The following LIN28B variants were observed in gnomAD, a reference collection of about 807,000 sequenced individuals.
LIN28B encodes the protein protein lin-28 homolog B.
Under a neutral mutation model 21.9 loss-of-function variants are expected in LIN28B, and 5 were observed. The observed-to-expected ratio is 0.23, with a 90% CI of 0.12 to 0.48. The LOEUF (loss-of-function observed/expected upper bound fraction) is 0.48. Among genes scored for constraint, LIN28B ranks in the 20% least tolerant of loss-of-function variants. LIN28B has a pLI of 0.98. For missense variants in LIN28B, 245 were observed against 310.5 expected (o/e 0.79, Z 1.58); for synonymous variants, 109 against 111.3 (o/e 0.98, Z 0.13).
At chr6:104,972,551 GGTTA>G (rs1301870590) in intron 2 of LIN28B, among the ~76,000 whole-genome samples, 2 of 152,088 alleles carry the variant, frequency 1.3e-5, no homozygotes, top group Non-Finnish European at 2.9e-5. Context: ...AAAAATACAA[GGTTA>G]GTTTGCTGGG....
intron 1 of LIN28B, 89 bp from the exon 2 acceptor site, chr6:104,958,010 A>C: frequency 4.2e-6 from 4 of 953,092 alleles, no homozygotes; most frequent in Non-Finnish European, 4.3e-6. Context: ...CTTCCCCCCC[A>C]ACCCCAGGCA....
At chr6:105,064,629 T>G (rs1772185979) in intron 3 of LIN28B, among the ~76,000 whole-genome samples, 1 of 152,218 alleles carries the variant, frequency 6.6e-6, no homozygotes, top group East Asian at 1.9e-4. Flanking sequence ...CTGCCATTTG[T>G]AGCTATTGTA....
intron 2 of LIN28B, among the ~76,000 whole-genome samples, chr6:105,002,844 G>C (rs140416158): frequency 1.3e-5 from 2 of 152,248 alleles, no homozygotes; most frequent in Non-Finnish European, 2.9e-5. Flanking sequence ...GGACAACTTT[G>C]TTCAAATTAA....
chr6:105,059,191 T>TTG (rs1359291854), intron 3 of LIN28B, among the ~76,000 whole-genome samples: 19 of 150,816 alleles, frequency 1.3e-4, no homozygotes, highest in East Asian at 3.9e-4. Flanking sequence ...AAACTGTATG[T>TTG]TGTGTGTGTG....
chr6:105,055,621 T>G (rs1772006130), intron 3 of LIN28B, among the ~76,000 whole-genome samples: 1 of 152,236 alleles, frequency 6.6e-6, no homozygotes, highest in South Asian at 2.1e-4. Flanking sequence ...TTGTGCTATT[T>G]CCTTATAATC....
chr6:105,024,927 A>G (rs980228773), intron 2 of LIN28B, among the ~76,000 whole-genome samples: 1 of 152,144 alleles, frequency 6.6e-6, no homozygotes, highest in Non-Finnish European at 1.5e-5. Flanking sequence ...AGGTCAGGAA[A>G]CTGCTGAGTT....
At chr6:104,954,559 A>G (rs1312444196), upstream of LIN28B, among the ~76,000 whole-genome samples, 2 of 151,570 alleles carry the variant, frequency 1.3e-5, no homozygotes, top group African/African-American at 4.9e-5. Flanking sequence ...CCCCCAAGGT[A>G]TGTAAATGCA....
chr6:105,034,800 A>G (rs531503099), intron 3 of LIN28B, among the ~76,000 whole-genome samples: 5 of 152,238 alleles, frequency 3.3e-5, no homozygotes, highest in African/African-American at 9.6e-5. Context: ...TGTGGCCTCA[A>G]ATTCTTTAAA....
intron 2 of LIN28B, among the ~76,000 whole-genome samples, chr6:105,021,561 ATGATATTTC>A (rs1771142138): frequency 6.6e-6 from 1 of 152,128 alleles, no homozygotes; most frequent in South Asian, 2.1e-4. Flanking sequence ...CTGTGGTAAG[ATGATATTTC>A]ATTGTGGTTT....
At chr6:104,985,625 G>A (rs1201957765) in intron 2 of LIN28B, among the ~76,000 whole-genome samples, 1 of 151,968 alleles carries the variant, frequency 6.6e-6, no homozygotes, top group East Asian at 1.9e-4. Flanking sequence ...TAAATTTTGA[G>A]TAAGTCCAAT....
At chr6:105,006,537 C>A (rs1305465426) in intron 2 of LIN28B, among the ~76,000 whole-genome samples, 3 of 152,162 alleles carry the variant, frequency 2.0e-5, no homozygotes, top group African/African-American at 7.2e-5. Context: ...GTCTCGAACT[C>A]CTGACCTCAG....
chr6:105,005,592 A>C (rs1770800943), intron 2 of LIN28B, among the ~76,000 whole-genome samples: 1 of 151,522 alleles, frequency 6.6e-6, no homozygotes, highest in Non-Finnish European at 1.5e-5. Context: ...AGTGTGTGGC[A>C]CTCGTCCCTT....
At chr6:104,949,928 A>G (rs894308446) in intron 2 of LIN28B, among the ~76,000 whole-genome samples, 2 of 152,228 alleles carry the variant, frequency 1.3e-5, no homozygotes, top group East Asian at 3.8e-4. Context: ...TTAAAAATAT[A>G]CTTAATGATT....
chr6:105,051,149 A>G (rs1301218803), intron 3 of LIN28B, among the ~76,000 whole-genome samples: 1 of 151,658 alleles, frequency 6.6e-6, no homozygotes, highest in Non-Finnish European at 1.5e-5. Context: ...GAGTAAAAGA[A>G]AAAGCTGCGG....
At chr6:105,021,432 G>A (rs1771139235) in intron 2 of LIN28B, among the ~76,000 whole-genome samples, 1 of 151,956 alleles carries the variant, frequency 6.6e-6, no homozygotes, top group Non-Finnish European at 1.5e-5. Context: ...TAGTTCTTTG[G>A]TAAATCTTCA....
At chr6:105,049,153 C>T (rs1202293408) in intron 3 of LIN28B, among the ~76,000 whole-genome samples, 1 of 152,026 alleles carries the variant, frequency 6.6e-6, no homozygotes, top group Non-Finnish European at 1.5e-5. Context: ...CTATAAATTT[C>T]CCTCTACACA....
At chr6:104,964,992 A>G (rs569624571) in intron 2 of LIN28B, among the ~76,000 whole-genome samples, 6 of 152,358 alleles carry the variant, frequency 3.9e-5, no homozygotes, top group Admixed American at 2.6e-4. Flanking sequence ...GTAATGTTAT[A>G]TAACTGCCTA....
At chr6:105,046,096 C>A (rs1771754237) in intron 3 of LIN28B, among the ~76,000 whole-genome samples, 1 of 152,070 alleles carries the variant, frequency 6.6e-6, no homozygotes, top group Non-Finnish European at 1.5e-5. Flanking sequence ...ATACATGCGC[C>A]ATGTTGGTGT....
intron 2 of LIN28B, among the ~76,000 whole-genome samples, chr6:105,010,917 G>A (rs561127264): frequency 9.9e-5 from 15 of 152,166 alleles, no homozygotes; most frequent in Non-Finnish European, 1.8e-4. Flanking sequence ...CCTACTATAA[G>A]TTAATTTTGT....
Sources: allele counts gnomAD v4.1 joint callset (sites outside exome capture counted in the v4.1 genomes callset), GRCh38; gene constraint gnomAD v4.1.1; transcripts MANE v1.5; gene names NCBI Gene and HGNC (gene_info 2026-07-23, HGNC 2026-07-21).